BTBD1: variants seen among roughly 807,000 people sequenced by gnomAD.
BTBD1 encodes the protein BTB domain containing 1, also known as BTB/POZ domain-containing protein 1.
A neutral mutation model predicts 48.0 loss-of-function variants in BTBD1; 34 were observed. The ratio of observed to expected loss-of-function variants is 0.71; its 90% CI spans 0.54 to 0.94. The LOEUF is 0.94. BTBD1 is among the 40% of genes least tolerant of loss of function. The pLI, the probability that BTBD1 is intolerant of heterozygous loss-of-function variation, is 0.00. For synonymous variants in BTBD1, 261 were observed against 242.1 expected (o/e 1.08, Z -0.72); for missense variants, 543 against 625.6 (o/e 0.87, Z 1.41).
chr15:83,059,707 A>G (rs1421787487), intron 1 of BTBD1, among the ~76,000 whole-genome samples: 1 of 152,220 alleles, frequency 6.6e-6, no homozygotes, highest in Non-Finnish European at 1.5e-5. Context: ...TTCAGCCTCC[A>G]GAGTAACTAA....
At position 83,017,983 on chromosome 15, in the gene BTBD1, C is replaced by T. The variant is rs2032204722; in HGVS notation, c.*84G>A. 26 of 892,996 alleles carry T rather than the reference C, an allele frequency of 2.9e-5. No homozygotes were observed. In the South Asian group the frequency reaches 6.7e-4, roughly 23 times the overall value. The allele number at this position is 892,996 out of a possible 1,614,324, so 55.3% of individuals were successfully genotyped here. A position where few individuals can be genotyped will look rare whatever the true frequency, so the allele number is the denominator to read the frequency against. ...CTTACAATTTTAAATATTCATAACA[C>T]TCAAACTACTTTTTTGTGGCCATTT... On this transcript the variant is annotated 3_prime_UTR_variant, in exon 8 of 8. Transcript: ENST00000261721.
intron 3 of BTBD1, among the ~76,000 whole-genome samples, chr15:83,046,410 G>C (rs936017906): frequency 6.6e-6 from 1 of 152,152 alleles, no homozygotes; most frequent in African/African-American, 2.4e-5. Context: ...ATAAAGATCA[G>C]AAAAACACAG....
chr15:83,047,073 C>G (rs1349078815), intron 3 of BTBD1, among the ~76,000 whole-genome samples: 1 of 152,186 alleles, frequency 6.6e-6, no homozygotes, highest in Non-Finnish European at 1.5e-5. Context: ...ATTCTTCTGT[C>G]TTTGGTGCTA....
chr15:83,039,228 G>A (rs1424844551), intron 4 of BTBD1, among the ~76,000 whole-genome samples: 1 of 150,928 alleles, frequency 6.6e-6, no homozygotes, highest in Non-Finnish European at 1.5e-5. Context: ...AATATGAACA[G>A]ACATTTCTCA....
chr15:83,036,291 C>T (rs2032629809), intron 4 of BTBD1, among the ~76,000 whole-genome samples: 1 of 152,086 alleles, frequency 6.6e-6, no homozygotes, highest in Non-Finnish European at 1.5e-5. Context: ...GTCTGTCAGA[C>T]TGGATTAAAA....
chr15:83,066,696 C>T (rs1393803303), intron 1 of BTBD1, 55 bp downstream of exon 1: 13 of 1,183,148 alleles, frequency 1.1e-5, no homozygotes, highest in Non-Finnish European at 1.3e-5. Context: ...GGGGATCTCC[C>T]AGCCCGGCCC....
intron 2 of BTBD1, among the ~76,000 whole-genome samples, chr15:83,054,456 A>C (rs545386585): frequency 1.3e-5 from 2 of 152,168 alleles, no homozygotes; most frequent in Non-Finnish European, 2.9e-5. Flanking sequence ...GCATACGTGG[A>C]GTTCTGTAAT....
At chr15:83,042,820 G>A (rs1346581257) in intron 3 of BTBD1, among the ~76,000 whole-genome samples, 2 of 152,200 alleles carry the variant, frequency 1.3e-5, no homozygotes, top group South Asian at 2.1e-4. Flanking sequence ...AATATGTCAG[G>A]TTAAGGAGAA....
chr15:83,041,967 A>T (rs765071729), intron 3 of BTBD1, 42 bp from the exon 4 acceptor site: 1 of 1,572,626 alleles, frequency 6.4e-7, no homozygotes, highest in African/African-American at 1.4e-5. Context: ...GAAATATTTT[A>T]GCTCTCTAAC....
chr15:83,048,901 G>A (rs1396254902), intron 3 of BTBD1, among the ~76,000 whole-genome samples: 1 of 152,200 alleles, frequency 6.6e-6, no homozygotes, highest in East Asian at 1.9e-4. Context: ...ATCAGTGAGT[G>A]ACAGTGGTCA....
chr15:83,022,428 T>G (rs2032318154), intron 5 of BTBD1: 1 of 152,074 alleles, frequency 6.6e-6, no homozygotes, highest in South Asian at 2.1e-4. Flanking sequence ...ACCCAGCACT[T>G]TGGGAGGCTG....
At chr15:83,038,269 A>G (rs1298713786) in intron 4 of BTBD1, among the ~76,000 whole-genome samples, 1 of 152,188 alleles carries the variant, frequency 6.6e-6, no homozygotes, top group Admixed American at 6.5e-5. Flanking sequence ...TAAAATACCT[A>G]GAAATACATC....
chr15:83,056,881 G>A (rs2033096190), intron 1 of BTBD1, among the ~76,000 whole-genome samples: 1 of 151,788 alleles, frequency 6.6e-6, no homozygotes, highest in East Asian at 1.9e-4. Flanking sequence ...ATTTTTTGTA[G>A]AGACAGGTTT....
chr15:83,058,180 T>C (rs969547752), intron 1 of BTBD1, among the ~76,000 whole-genome samples: 23 of 152,228 alleles, frequency 1.5e-4, no homozygotes, highest in Non-Finnish European at 1.0e-4. Context: ...AAGAACTTTG[T>C]TGGGGTTCTG....
In BTBD1 at chr15:83,059,402, C is replaced by T. The variant is rs141934385; in HGVS notation, c.402-2857G>A. Among the ~76,000 whole-genome samples, 1,129 of 151,900 alleles carry T rather than the reference C, an allele frequency of 7.4e-3. 15 individuals are homozygous for T. Among genetic ancestry groups the T allele is most frequent in the African/African-American group, 0.026 (1,071 of 41,424 alleles). On this transcript the variant is annotated intron_variant, in intron 1 of 7. Coordinates refer to ENST00000261721, the MANE Select transcript of BTBD1 (RefSeq NM_025238.4). ...CTCTACTAAAAACACAAAAATTAGC[C>T]GGCATGGTGGCGGGCGCCTGTAATC...
chr15:83,040,252 A>AG (rs2032724588), intron 4 of BTBD1, among the ~76,000 whole-genome samples: 1 of 152,174 alleles, frequency 6.6e-6, no homozygotes, highest in Admixed American at 6.6e-5. Context: ...AAGGGACAGA[A>AG]GGGGGAAAAG....
intron 4 of BTBD1, among the ~76,000 whole-genome samples, chr15:83,040,977 CTG>C (rs934230445): frequency 1.3e-4 from 19 of 151,394 alleles, no homozygotes; most frequent in Non-Finnish European, 2.8e-4. Context: ...TGGTGAAATC[CTG>C]TCTCTATAAA....
chr15:83,067,074 C>A lies in BTBD1; in HGVS notation c.78G>T (p.Pro26=). ...CCAGAGAGGACGGTGAGGGCGGCGG[C>A]GGCGGCCCCGCGGGGCCCGGCTCCG... The part of the protein sequence containing the change: ...AEAEPGPAGP[P]PPPSPSSLGP... Residue 26 remains proline (P), a synonymous_variant, in exon 1 of 8, where the codon CCG becomes CCT. Transcript: ENST00000261721. The A allele has an allele frequency of 1.3e-6, 2 of 1,549,518 alleles. No individual in the cohort carries two copies. Among genetic ancestry groups the A allele is most frequent in the Non-Finnish European group, 8.7e-7 (1 of 1,153,098 alleles).
intron 5 of BTBD1, among the ~76,000 whole-genome samples, chr15:83,026,348 T>G (rs1203043609): frequency 6.6e-6 from 1 of 152,072 alleles, no homozygotes; most frequent in Non-Finnish European, 1.5e-5. Flanking sequence ...AGGGGGGCAC[T>G]ACTGGCAAGG....
Sources: gnomAD v4.1 joint callset for allele counts (sites outside exome capture counted in the v4.1 genomes callset) on GRCh38, gnomAD v4.1.1 for gene constraint, MANE v1.5 for transcripts, NCBI Gene and HGNC (gene_info 2026-07-23, HGNC 2026-07-21) for gene names.